CERS6: variants seen among roughly 807,000 people sequenced by gnomAD.
The protein encoded by CERS6 is ceramide synthase 6.
CERS6 carries 26 observed loss-of-function variants against 56.8 expected under a neutral mutation model. The observed-to-expected ratio is 0.46, with a 90% CI of 0.34 to 0.63. The LOEUF (loss-of-function observed/expected upper bound fraction) is 0.63. Among genes scored for constraint, CERS6 ranks in the 30% least tolerant of loss-of-function variants. The pLI is 0.01. For missense variants in CERS6, 415 were observed against 467.5 expected, an observed-to-expected ratio of 0.89 and a Z score of 1.04; for synonymous variants, 164 against 173.3, an observed-to-expected ratio of 0.95 and a Z score of 0.42.
intron 3 of CERS6, among the ~76,000 whole-genome samples, chr2:168,599,208 G>A (rs1683875103): frequency 6.6e-6 from 1 of 152,132 alleles, no homozygotes; most frequent in African/African-American, 2.4e-5. Context: ...TCTCTGGGTG[G>A]AGGAAAATTC....
At chr2:168,500,441 G>T (rs1014022215) in intron 1 of CERS6, among the ~76,000 whole-genome samples, 3 of 152,188 alleles carry the variant, frequency 2.0e-5, no homozygotes, top group Admixed American at 6.5e-5. Context: ...GTCCATGATG[G>T]ATATTATTAA....
chr2:168,558,704 C>G (rs1695729336), intron 2 of CERS6, among the ~76,000 whole-genome samples: 1 of 152,178 alleles, frequency 6.6e-6, no homozygotes, highest in African/African-American at 2.4e-5. Flanking sequence ...CCCGTCTCTA[C>G]TAAAAATACA....
intron 5 of CERS6, 123 bp from the exon 6 acceptor site, chr2:168,694,836 A>G (rs1686601587): frequency 2.8e-6 from 2 of 706,524 alleles, no homozygotes; most frequent in Non-Finnish European, 5.0e-6. Flanking sequence ...AGAATAGGAC[A>G]GGAACTGCCT....
chr2:168,591,038 G>A (rs1683658128), intron 3 of CERS6, among the ~76,000 whole-genome samples: 2 of 152,076 alleles, frequency 1.3e-5, no homozygotes, highest in African/African-American at 2.4e-5. Context: ...TGCATCTATT[G>A]GATGGTCCCA....
At chr2:168,637,554 TG>T (rs1436457715) in intron 4 of CERS6, among the ~76,000 whole-genome samples, 1 of 152,190 alleles carries the variant, frequency 6.6e-6, no homozygotes, top group African/African-American at 2.4e-5. Flanking sequence ...TATTACAACT[TG>T]TGATAATGTG....
intron 3 of CERS6, among the ~76,000 whole-genome samples, chr2:168,574,207 T>C (rs1683189544): frequency 6.6e-6 from 1 of 152,212 alleles, no homozygotes. Context: ...TCATTTCCAC[T>C]GGATTGATTT....
chr2:168,494,619 C>G (rs149116496), intron 1 of CERS6, among the ~76,000 whole-genome samples: 1,779 of 152,254 alleles, frequency 0.012, 18 homozygotes, highest in Non-Finnish European at 0.019. Context: ...CTATCGACTT[C>G]ACTAGGGATG....
At chr2:168,485,513 C>G (rs1029765196) in intron 1 of CERS6, among the ~76,000 whole-genome samples, 6 of 152,154 alleles carry the variant, frequency 3.9e-5, no homozygotes, top group Non-Finnish European at 7.4e-5. Context: ...ATGCCTCCCC[C>G]CACACTGAAC....
intron 8 of CERS6, among the ~76,000 whole-genome samples, chr2:168,720,261 A>ATATTAAAATGT (rs1687329093): frequency 6.6e-6 from 1 of 152,162 alleles, no homozygotes; most frequent in Admixed American, 6.5e-5. Context: ...CAACACATTA[A>ATATTAAAATGT]TATTAAAATG....
At chr2:168,736,296 A>C (rs975936177) in intron 8 of CERS6, among the ~76,000 whole-genome samples, 3 of 152,186 alleles carry the variant, frequency 2.0e-5, no homozygotes, top group South Asian at 2.1e-4. Flanking sequence ...TAGTTGATAC[A>C]TGTACACAAT....
At chr2:168,739,795 T>C (rs950280201) in intron 8 of CERS6, among the ~76,000 whole-genome samples, 1 of 151,678 alleles carries the variant, frequency 6.6e-6, no homozygotes, top group Non-Finnish European at 1.5e-5. Flanking sequence ...ACCCAGGCTG[T>C]AGTACAATGG....
chr2:168,640,365 G>A (rs1208778571), intron 4 of CERS6, among the ~76,000 whole-genome samples: 1 of 152,194 alleles, frequency 6.6e-6, no homozygotes, highest in African/African-American at 2.4e-5. Flanking sequence ...GGGATTTAAA[G>A]GGTGTTCCAT....
chr2:168,513,712 A>C (rs1694836627), intron 1 of CERS6, among the ~76,000 whole-genome samples: 1 of 152,110 alleles, frequency 6.6e-6, no homozygotes, highest in South Asian at 2.1e-4. Flanking sequence ...CCCTTTCCAT[A>C]CTACAGTCTT....
chr2:168,573,477 T>C (rs915045236), intron 3 of CERS6, among the ~76,000 whole-genome samples: 1 of 152,190 alleles, frequency 6.6e-6, no homozygotes, highest in Non-Finnish European at 1.5e-5. Flanking sequence ...TATATTACAA[T>C]TTATATTATT....
At chr2:168,606,143 T>A (rs899234680) in intron 3 of CERS6, among the ~76,000 whole-genome samples, 4 of 152,200 alleles carry the variant, frequency 2.6e-5, no homozygotes, top group African/African-American at 9.7e-5. Flanking sequence ...GGGGTGGAGC[T>A]GCCCAAGGAA....
rs139207379 is a variant in CERS6, at chr2:168,554,523, A to G, written c.277-6669A>G. Among the ~76,000 whole-genome samples, 90 of 152,318 alleles carry G rather than the reference A, an allele frequency of 5.9e-4. 1 individual carries two copies. The highest frequency in any genetic ancestry group is 1.6e-3 in the African/African-American group (67 of 41,574). On this transcript the variant is annotated intron_variant, in intron 2 of 9. Coordinates refer to ENST00000305747, the MANE Select transcript of CERS6 (RefSeq NM_203463.3). Reference sequence around the variant, plus strand: ...GCATGAGGGAAGATGCTGTGAAGAAACACAGGGAAAAGACAGCCATCTGCA... The same window carrying G: ...GCATGAGGGAAGATGCTGTGAAGAAGCACAGGGAAAAGACAGCCATCTGCA...
In CERS6 at chr2:168,645,116, A is replaced by AAAAATAT. The variant is rs1553503146; in HGVS notation, c.465+14075_465+14076insAAATATA. On this transcript the variant is annotated intron_variant, in intron 4 of 9. Coordinates refer to ENST00000305747, the MANE Select transcript of CERS6 (RefSeq NM_203463.3). ...AAAAAAAAAAAAAAAAAAAAAAAAA[A>AAAAATAT]ATATATATATATATATATATATATA... Among the ~76,000 whole-genome samples the AAAAATAT allele has an allele frequency of 1.6e-4, 3 of 19,034 alleles. 1 individual carries two copies. Among genetic ancestry groups the AAAAATAT allele is most frequent in the Non-Finnish European group, 3.0e-4 (3 of 10,018 alleles). 12.5% of individuals were successfully genotyped at this position (19,034 alleles called of 152,430 possible). A position where few individuals can be genotyped will look rare whatever the true frequency, so the allele number is the denominator to read the frequency against.
At chr2:168,750,095 G>C (rs914071442) in intron 8 of CERS6, among the ~76,000 whole-genome samples, 1 of 152,180 alleles carries the variant, frequency 6.6e-6, no homozygotes, top group Admixed American at 6.5e-5. Context: ...ACACTGGTGC[G>C]TGTCCTATGG....
At chr2:168,576,853 A>G (rs1574076243) in intron 3 of CERS6, among the ~76,000 whole-genome samples, 1 of 152,348 alleles carries the variant, frequency 6.6e-6, no homozygotes, top group East Asian at 1.9e-4. Flanking sequence ...GTTGTGTGGT[A>G]TGAGAGAAAG....
Sources: allele counts gnomAD v4.1 joint callset (sites outside exome capture counted in the v4.1 genomes callset), GRCh38; gene constraint gnomAD v4.1.1; transcripts MANE v1.5; gene names NCBI Gene and HGNC (gene_info 2026-07-23, HGNC 2026-07-21).